Variants in SETD3 observed in about 807,000 individuals in gnomAD.
SETD3 encodes actin-histidine N-methyltransferase.
A neutral mutation model predicts 63.0 loss-of-function variants in SETD3; 19 were observed. The ratio of observed to expected loss-of-function variants is 0.30; its 90% CI spans 0.21 to 0.44. The LOEUF is 0.44. Among genes scored for constraint, SETD3 ranks in the 20% least tolerant of loss-of-function variants. The probability of loss-of-function intolerance (pLI) is 1.00; values close to 1 mark genes in which losing one functional copy is unlikely to be tolerated. For synonymous variants in SETD3, 286 were observed against 264.1 expected (o/e 1.08, Z -0.80); for missense variants, 587 against 728.5 (o/e 0.81, Z 2.24).
At chr14:99,428,124 C>A (rs1476147242) in intron 6 of SETD3, among the ~76,000 whole-genome samples, 1 of 152,202 alleles carries the variant, frequency 6.6e-6, no homozygotes, top group Non-Finnish European at 1.5e-5. Flanking sequence ...GCACAGTGCC[C>A]ACGGCAGGAG....
chr14:99,428,253 A>G (rs1892990880), intron 6 of SETD3, among the ~76,000 whole-genome samples: 2 of 152,216 alleles, frequency 1.3e-5, no homozygotes, highest in South Asian at 4.1e-4. Flanking sequence ...GGTGTCAGTA[A>G]GTTAGTATCC....
At chr14:99,478,378 G>C (rs527895629) in intron 1 of SETD3, among the ~76,000 whole-genome samples, 36 of 152,312 alleles carry the variant, frequency 2.4e-4, no homozygotes, top group African/African-American at 8.7e-4. Context: ...ACAAGGCACA[G>C]CAGCCAGGGA....
rs192932149 is a variant in SETD3, at chr14:99,415,959, T to A, written c.676-2025A>T. On this transcript the variant is annotated intron_variant, in intron 6 of 12. Coordinates refer to ENST00000331768, the MANE Select transcript of SETD3 (RefSeq NM_032233.3). Reference sequence around the variant, plus strand: ...GGGCAAGGCCTTTAAAGCAACTTACTGTAAACCAAAAACTGGGCTTATCAA... The same window carrying A: ...GGGCAAGGCCTTTAAAGCAACTTACAGTAAACCAAAAACTGGGCTTATCAA... Among the ~76,000 whole-genome samples the A allele has an allele frequency of 2.4e-4, 37 of 152,318 alleles. No homozygotes were observed. The East Asian group carries it at 5.2e-3, about 21-fold the overall frequency.
At chr14:99,405,399 G>T in intron 9 of SETD3, 28 bp from the exon 10 acceptor site, 1 of 1,604,428 alleles carries the variant, frequency 6.2e-7, no homozygotes, top group East Asian at 2.2e-5. Context: ...AAAAAGAAAA[G>T]GGCATTAGAC....
At chr14:99,443,228 A>T (rs1160457643) in intron 6 of SETD3, among the ~76,000 whole-genome samples, 1 of 151,682 alleles carries the variant, frequency 6.6e-6, no homozygotes, top group Non-Finnish European at 1.5e-5. Context: ...ATTTCTCCAT[A>T]AAGCAATCTT....
At chr14:99,434,519 T>C (rs1194915967) in intron 6 of SETD3, among the ~76,000 whole-genome samples, 1 of 152,130 alleles carries the variant, frequency 6.6e-6, no homozygotes, top group Non-Finnish European at 1.5e-5. Context: ...CTAGAAATGT[T>C]CCATGTCTTC....
In SETD3 at chr14:99,449,303, T is replaced by C. The variant is rs147140734; in HGVS notation, c.675+8976A>G. 2.9e-3 allele frequency among the ~76,000 whole-genome samples: 437 copies of C among 152,214 alleles called. 1 individual carries two copies. Among genetic ancestry groups the C allele is most frequent in the African/African-American group, 9.8e-3 (408 of 41,522 alleles). On this transcript the variant is annotated intron_variant, in intron 6 of 12. Coordinates refer to ENST00000331768, the MANE Select transcript of SETD3 (RefSeq NM_032233.3). ...TTGCATCTGGTGAGAAACAGGATAT[T>C]TGATGGTGAGAAACAGGACATTTGC...
At chr14:99,403,362 C>T (rs1014854625) in intron 11 of SETD3, among the ~76,000 whole-genome samples, 3 of 152,098 alleles carry the variant, frequency 2.0e-5, no homozygotes, top group African/African-American at 7.2e-5. Flanking sequence ...CTCACTCAAA[C>T]ACTCATTTAC....
intron 1 of SETD3, among the ~76,000 whole-genome samples, chr14:99,480,312 C>T (rs1896218092): frequency 6.6e-6 from 1 of 152,076 alleles, no homozygotes; most frequent in Admixed American, 6.5e-5. Context: ...GCGCGAGGGG[C>T]CCGGGCCCCA....
At chr14:99,455,490 G>A (rs1894707373) in intron 6 of SETD3, among the ~76,000 whole-genome samples, 1 of 152,318 alleles carries the variant, frequency 6.6e-6, no homozygotes, top group Admixed American at 6.5e-5. Flanking sequence ...GAAGGGGTAT[G>A]TGTTAAATGC....
intron 5 of SETD3, 101 bp downstream of exon 5, chr14:99,459,012 C>T (rs915865389): frequency 1.3e-6 from 1 of 760,522 alleles, no homozygotes; most frequent in Non-Finnish European, 2.1e-6. Flanking sequence ...AATATTTCGC[C>T]AGTCGAGAAA....
chr14:99,481,450 C>T (rs1292700507), upstream of SETD3: 4 of 398,624 alleles, frequency 1.0e-5, no homozygotes, highest in South Asian at 1.3e-4. Context: ...CAAGGAGAGA[C>T]GTCGCTGAGG....
At chr14:99,474,219 G>T (rs1895851769) in intron 1 of SETD3, among the ~76,000 whole-genome samples, 1 of 152,202 alleles carries the variant, frequency 6.6e-6, no homozygotes, top group Non-Finnish European at 1.5e-5. Context: ...CAGCTACTTA[G>T]GAGGCTGATG....
rs976018598 is a variant in SETD3, at chr14:99,461,442, T to C, written c.197-102A>G. On this transcript the variant is annotated intron_variant, in intron 3 of 12. Coordinates refer to ENST00000331768, the MANE Select transcript of SETD3 (RefSeq NM_032233.3). ...AACAGGCCATAACTAACACTGGAAA[T>C]AGTCTTAACACGCCAATCTTGAAAT... 5 of 1,172,800 alleles carry C rather than the reference T, an allele frequency of 4.3e-6. 1 individual carries two copies. In the East Asian group the frequency reaches 1.2e-4, roughly 28 times the overall value. The allele number at this position is 1,172,800 out of a possible 1,614,324, so 72.6% of individuals were successfully genotyped here.
At chr14:99,475,084 T>C (rs1002236839) in intron 1 of SETD3, among the ~76,000 whole-genome samples, 2 of 152,298 alleles carry the variant, frequency 1.3e-5, no homozygotes, top group African/African-American at 4.8e-5. Context: ...GAATAATCAT[T>C]TCCTATTATA....
In SETD3 at chr14:99,397,888, T is replaced by C. The variant is rs886710045; in HGVS notation, c.*791A>G. ...CGTGAAGCTGTGGGCCGCTGTGTGT[T>C]TGCAAACTCTCCATTACCAAGGCTG... is the stretch of plus-strand genomic sequence containing the variant. On this transcript the variant is annotated 3_prime_UTR_variant, in exon 13 of 13. Coordinates refer to ENST00000331768, the MANE Select transcript of SETD3 (RefSeq NM_032233.3). 6.6e-6 allele frequency: 1 copy of C among 152,590 alleles called. No individual in the cohort carries two copies. Among genetic ancestry groups the C allele is most frequent in the Non-Finnish European group, 1.5e-5 (1 of 68,044 alleles). 9.5% of individuals were successfully genotyped at this position (152,590 alleles called of 1,614,324 possible).
At position 99,398,773 on chromosome 14, in the gene SETD3, C is replaced by G. The variant is rs148372130; in HGVS notation, c.1691G>C (p.Arg564Thr). The G allele has an allele frequency of 6.3e-5, 101 of 1,614,054 alleles. No individual in the cohort carries two copies. Among genetic ancestry groups the G allele is most frequent in the Admixed American group, 2.8e-4 (17 of 60,000 alleles). The change falls in exon 13 of 13, where the codon AGG becomes ACG. Residue 564 changes from arginine to threonine, a missense_variant. Transcript: ENST00000331768. Reference protein sequence around the residue: ...NGENSIPNGTRSENESLNQES... With the variant: ...NGENSIPNGTTSENESLNQES... ...TTGATTGAGACTTTCATTTTCGGAC[C>G]TGGTCCCATTAGGGATAGAGTTTTC...
At chr14:99,426,706 A>T (rs1194350479) in intron 6 of SETD3, among the ~76,000 whole-genome samples, 1 of 152,140 alleles carries the variant, frequency 6.6e-6, no homozygotes, top group African/African-American at 2.4e-5. Flanking sequence ...TCACTGACCA[A>T]CGTGTAGATT....
chr14:99,419,532 T>C (rs1247076571), intron 6 of SETD3, among the ~76,000 whole-genome samples: 1 of 152,084 alleles, frequency 6.6e-6, no homozygotes, highest in Non-Finnish European at 1.5e-5. Context: ...TCCCAGCACT[T>C]TGGGAGGCCG....
Sources: allele counts gnomAD v4.1 joint callset (sites outside exome capture counted in the v4.1 genomes callset), GRCh38; gene constraint gnomAD v4.1.1; transcripts MANE v1.5; gene names NCBI Gene and HGNC (gene_info 2026-07-23, HGNC 2026-07-21).